Variants in FAM78B observed in about 807,000 individuals in gnomAD.
FAM78B encodes the protein family with sequence similarity 78 member B, also known as protein FAM78B.
FAM78B carries 10 observed loss-of-function variants against 20.0 expected under a neutral mutation model. That is an observed-to-expected ratio of 0.50 (90% CI 0.31 to 0.85). FAM78B has a LOEUF of 0.85. FAM78B is among the 40% of genes least tolerant of loss of function. The pLI, the probability that FAM78B is intolerant of heterozygous loss-of-function variation, is 0.05. For synonymous variants in FAM78B, 135 were observed against 132.8 expected, an observed-to-expected ratio of 1.02 and a Z score of -0.12; for missense variants, 283 against 345.0, an observed-to-expected ratio of 0.82 and a Z score of 1.42.
At chr1:166,070,951 TAAC>T (rs908022194) in intron 1 of FAM78B, among the ~76,000 whole-genome samples, 188 bp from the exon 2 acceptor site, 51 of 152,068 alleles carry the variant, frequency 3.4e-4, no homozygotes, top group African/African-American at 1.2e-3. Context: ...AAAATAAAAA[TAAC>T]AAAGCCATGC....
chr1:166,126,291 T>C (rs1654637288), intron 1 of FAM78B, among the ~76,000 whole-genome samples: 1 of 152,192 alleles, frequency 6.6e-6, no homozygotes, highest in Non-Finnish European at 1.5e-5. Context: ...TACCTGTAGA[T>C]GCCAGGATCT....
At chr1:166,105,520 A>T (rs980024520) in intron 1 of FAM78B, among the ~76,000 whole-genome samples, 1 of 152,214 alleles carries the variant, frequency 6.6e-6, no homozygotes, top group African/African-American at 2.4e-5. Flanking sequence ...AAAAAAGCAA[A>T]CAACCCCATC....
intron 1 of FAM78B, among the ~76,000 whole-genome samples, chr1:166,150,570 C>G (rs945652031): frequency 6.6e-6 from 1 of 152,006 alleles, no homozygotes; most frequent in Non-Finnish European, 1.5e-5. Flanking sequence ...AGGTAAGCAG[C>G]CTCATCCTCA....
At chr1:166,099,389 A>T (rs1182629660) in intron 1 of FAM78B, among the ~76,000 whole-genome samples, 1 of 152,216 alleles carries the variant, frequency 6.6e-6, no homozygotes, top group Non-Finnish European at 1.5e-5. Flanking sequence ...GGCAACAAAG[A>T]GCATGATGAA....
At chr1:166,134,797 T>A (rs1423250922) in intron 1 of FAM78B, among the ~76,000 whole-genome samples, 1 of 152,200 alleles carries the variant, frequency 6.6e-6, no homozygotes, top group Non-Finnish European at 1.5e-5. Flanking sequence ...TCAATTTATA[T>A]CTGTCATCCA....
intron 1 of FAM78B, among the ~76,000 whole-genome samples, chr1:166,118,260 T>C (rs1654331051): frequency 6.6e-6 from 1 of 152,216 alleles, no homozygotes; most frequent in Middle Eastern, 3.4e-3. Context: ...AGTTAGGAAC[T>C]TGTCGAGGAG....
intron 1 of FAM78B, among the ~76,000 whole-genome samples, chr1:166,153,618 T>G (rs1655774731): frequency 6.6e-6 from 1 of 151,548 alleles, no homozygotes; most frequent in African/African-American, 2.4e-5. Flanking sequence ...CCAGGGAGGG[T>G]AGAAGCCTGG....
chr1:166,143,507 G>A (rs776768130), intron 1 of FAM78B, among the ~76,000 whole-genome samples: 21 of 152,292 alleles, frequency 1.4e-4, no homozygotes, highest in South Asian at 4.1e-4. Context: ...TTGCTAAGGC[G>A]TGTAAATTTC....
intron 1 of FAM78B, among the ~76,000 whole-genome samples, chr1:166,090,911 G>C (rs1320930724): frequency 6.6e-6 from 1 of 152,154 alleles, no homozygotes; most frequent in Non-Finnish European, 1.5e-5. Flanking sequence ...TGCACCAACT[G>C]ATCAATCCTC....
chr1:166,104,639 A>C (rs544895410), intron 1 of FAM78B, among the ~76,000 whole-genome samples: 89 of 152,306 alleles, frequency 5.8e-4, no homozygotes, highest in African/African-American at 2.0e-3. Flanking sequence ...TAGGAATCCA[A>C]CTTACAAGGG....
At chr1:166,135,169 T>C (rs1329727377) in intron 1 of FAM78B, among the ~76,000 whole-genome samples, 1 of 152,170 alleles carries the variant, frequency 6.6e-6, no homozygotes, top group South Asian at 2.1e-4. Flanking sequence ...ACTACTTCCA[T>C]AGGAATTTTC....
In FAM78B at chr1:166,089,985, G is replaced by A. The variant is rs117649616; in HGVS notation, c.264-19222C>T. ...CACACTGGGGCTCTTCGCCCTCCTG[G>A]CAGCAATTATAAAGTTGAACAGCAG... On this transcript the variant is annotated intron_variant, in intron 1 of 1. Transcript: ENST00000354422. 3.9e-5 allele frequency among the ~76,000 whole-genome samples: 6 copies of A among 152,296 alleles called. No individual in the cohort carries two copies. The East Asian group carries it at 1.2e-3, about 29-fold the overall frequency.
chr1:166,164,396 A>C (rs950476678), intron 1 of FAM78B, among the ~76,000 whole-genome samples: 2 of 152,248 alleles, frequency 1.3e-5, no homozygotes, highest in African/African-American at 4.8e-5. Context: ...TAAGAGACAC[A>C]TGTGTTCACA....
intron 1 of FAM78B, among the ~76,000 whole-genome samples, chr1:166,086,844 GAC>G (rs916927163): frequency 2.6e-5 from 4 of 152,102 alleles, no homozygotes; most frequent in African/African-American, 9.7e-5. Flanking sequence ...CACACGTGTG[GAC>G]AGAGGAATTC....
intron 1 of FAM78B, among the ~76,000 whole-genome samples, chr1:166,134,307 A>G (rs920083949): frequency 2.0e-5 from 3 of 148,154 alleles, no homozygotes; most frequent in African/African-American, 7.5e-5. Flanking sequence ...GGGGCCTTGG[A>G]AGGCATTTAA....
intron 1 of FAM78B, among the ~76,000 whole-genome samples, chr1:166,165,673 G>A (rs1656342384): frequency 6.6e-6 from 1 of 152,028 alleles, no homozygotes; most frequent in Admixed American, 6.5e-5. Context: ...AACTCGCCAG[G>A]CACTCGCCAG....
Position 166,136,960 on chromosome 1 carries a change from T to C in FAM78B, c.263+29026A>G, listed in dbSNP as rs571634632. Among the ~76,000 whole-genome samples the C allele has an allele frequency of 5.3e-5, 8 of 152,298 alleles. No individual in the cohort carries two copies. The East Asian group carries it at 1.5e-3, about 29-fold the overall frequency. Reference sequence around the variant, plus strand: ...TATGGCTCATAACTATCATGTGAGGTAGGTGTTATTACATTCTGTGAGGAT... The same window carrying C: ...TATGGCTCATAACTATCATGTGAGGCAGGTGTTATTACATTCTGTGAGGAT... On this transcript the variant is annotated intron_variant, in intron 1 of 1. Transcript: ENST00000354422.
At chr1:166,148,914 C>G (rs971888799) in intron 1 of FAM78B, among the ~76,000 whole-genome samples, 1 of 152,154 alleles carries the variant, frequency 6.6e-6, no homozygotes. Context: ...TTGTTCTTGC[C>G]ATAGTTTACT....
chr1:166,161,961 T>A (rs1295076931), intron 1 of FAM78B, among the ~76,000 whole-genome samples: 1 of 152,144 alleles, frequency 6.6e-6, no homozygotes, highest in African/African-American at 2.4e-5. Flanking sequence ...TTAGGATGGA[T>A]GAAATTACCC....
Sources: allele counts gnomAD v4.1 joint callset (sites outside exome capture counted in the v4.1 genomes callset), GRCh38; gene constraint gnomAD v4.1.1; transcripts MANE v1.5; gene names NCBI Gene and HGNC (gene_info 2026-07-23, HGNC 2026-07-21).